DGCR2: variants seen among roughly 807,000 people sequenced by gnomAD.
The protein encoded by DGCR2 is integral membrane protein DGCR2/IDD.
A neutral mutation model predicts 51.6 loss-of-function variants in DGCR2; 24 were observed. The observed-to-expected ratio is 0.47, with a 90% CI of 0.34 to 0.65. DGCR2 has a LOEUF of 0.65. Ranked by LOEUF, DGCR2 falls within the 30% of genes least tolerant of loss-of-function variation. DGCR2 has a pLI of 0.01. For missense variants in DGCR2, 765 were observed against 772.1 expected (o/e 0.99, Z 0.11); for synonymous variants, 340 against 315.4 (o/e 1.08, Z -0.82).
chr22:19,111,013 C>T (rs989297780), intron 1 of DGCR2, among the ~76,000 whole-genome samples: 1 of 152,156 alleles, frequency 6.6e-6, no homozygotes. Flanking sequence ...CAGTTATACA[C>T]ATTTTTTTCC....
At chr22:19,104,083 C>G (rs2083236057) in intron 1 of DGCR2, among the ~76,000 whole-genome samples, 1 of 152,026 alleles carries the variant, frequency 6.6e-6, no homozygotes, top group Non-Finnish European at 1.5e-5. Flanking sequence ...GCTGTCAGAG[C>G]AATGATGTCA....
At position 19,122,316 on chromosome 22, in the gene DGCR2, G is replaced by C. The variant is rs2083444534; in HGVS notation, c.-110C>G. The C allele has an allele frequency of 1.2e-6, 1 of 857,836 alleles. No individual in the cohort carries two copies. Among genetic ancestry groups the C allele is most frequent in the Non-Finnish European group, 1.7e-6 (1 of 604,114 alleles). The allele number at this position is 857,836 out of a possible 1,614,324, so 53.1% of individuals were successfully genotyped here. On this transcript the variant is annotated 5_prime_UTR_variant, in exon 1 of 10. Coordinates refer to ENST00000263196, the MANE Select transcript of DGCR2 (RefSeq NM_005137.3). ...TCAGGCGGAGCTGAACCTGGGCGAG[G>C]CGCGGAGAGGCGGCGGGAAAGAGCT...
intron 6 of DGCR2, among the ~76,000 whole-genome samples, chr22:19,051,974 C>A (rs914957060): frequency 6.6e-6 from 1 of 152,066 alleles, no homozygotes; most frequent in Non-Finnish European, 1.5e-5. Context: ...TAAATCACTC[C>A]TACGTTGAAT....
At chr22:19,083,371 C>G (rs1412605603) in intron 2 of DGCR2, among the ~76,000 whole-genome samples, 1 of 152,186 alleles carries the variant, frequency 6.6e-6, no homozygotes, top group African/African-American at 2.4e-5. Context: ...AATCTTGATA[C>G]GGGCAAGGCA....
intron 1 of DGCR2, among the ~76,000 whole-genome samples, chr22:19,096,328 G>A (rs2083139169): frequency 6.6e-6 from 1 of 152,204 alleles, no homozygotes; most frequent in African/African-American, 2.4e-5. Context: ...GAGTGGAGTA[G>A]TGGTTACCAG....
chr22:19,071,635 G>C (rs955878189), intron 2 of DGCR2, among the ~76,000 whole-genome samples: 2 of 152,194 alleles, frequency 1.3e-5, no homozygotes, highest in African/African-American at 4.8e-5. Flanking sequence ...AATACTTCTA[G>C]ATTAAAGAAC....
chr22:19,062,779 A>ATTCATTCT lies in DGCR2; in HGVS notation c.625+422_625+423insAGAATGAA. Among the ~76,000 whole-genome samples, 58 of 127,334 alleles carry ATTCATTCT rather than the reference A, an allele frequency of 4.6e-4. 1 individual carries two copies. The highest frequency in any genetic ancestry group is 7.8e-4 in the Non-Finnish European group (43 of 55,402). The allele number at this position is 127,334 out of a possible 152,430, so 83.5% of individuals were successfully genotyped here. A position where few individuals can be genotyped will look rare whatever the true frequency, so the allele number is the denominator to read the frequency against. ...TGCGCACACACACACATGCATGCTC[A>ATTCATTCT]CTCTCTCTCTCTCTCTCTCTCTCTC... On this transcript the variant is annotated intron_variant, in intron 5 of 9. Coordinates refer to ENST00000263196, the MANE Select transcript of DGCR2 (RefSeq NM_005137.3).
chr22:19,059,056 GTCACAGTGGCAGC>G (rs1291494443), intron 5 of DGCR2, among the ~76,000 whole-genome samples: 2 of 152,254 alleles, frequency 1.3e-5, no homozygotes, highest in Non-Finnish European at 2.9e-5. Context: ...CCTGGAAGAG[GTCACAGTGGCAGC>G]CATGAACAAG....
chr22:19,106,378 C>T (rs990572701), intron 1 of DGCR2, among the ~76,000 whole-genome samples: 1 of 152,176 alleles, frequency 6.6e-6, no homozygotes, highest in Non-Finnish European at 1.5e-5. Context: ...GGAACCATGG[C>T]CAGGGGTTCT....
intron 1 of DGCR2, among the ~76,000 whole-genome samples, chr22:19,095,660 CAAA>C (rs560020507): frequency 3.1e-5 from 2 of 65,228 alleles, no homozygotes; most frequent in African/African-American, 5.9e-5. Context: ...GACTCCGTCT[CAAA>C]AAAAAAAAAA....
chr22:19,111,755 G>C (rs2083316450), intron 1 of DGCR2, among the ~76,000 whole-genome samples: 1 of 152,212 alleles, frequency 6.6e-6, no homozygotes, highest in African/African-American at 2.4e-5. Context: ...GTGATGGCTG[G>C]TGGAATGAGA....
intron 1 of DGCR2, among the ~76,000 whole-genome samples, chr22:19,097,100 A>C (rs1212461033): frequency 6.6e-6 from 1 of 151,954 alleles, no homozygotes; most frequent in South Asian, 2.1e-4. Context: ...TATCCTCCAA[A>C]AGCAAACGTC....
chr22:19,085,030 T>C (rs2082998621), intron 2 of DGCR2, among the ~76,000 whole-genome samples: 1 of 151,680 alleles, frequency 6.6e-6, no homozygotes, highest in African/African-American at 2.4e-5. Flanking sequence ...GGATGGTTGC[T>C]GTGTCTGTGC....
Position 19,036,402 on chromosome 22 carries a change from G to A in DGCR2, c.*2463C>T, listed in dbSNP as rs1405391974. On this transcript the variant is annotated 3_prime_UTR_variant, in exon 10 of 10. Transcript: ENST00000263196. Reference sequence around the variant, plus strand: ...CCCTTAATGAAAACATAAAAAAACAGGCATCAAGACAATGTACAGTATCAA... The same window carrying A: ...CCCTTAATGAAAACATAAAAAAACAAGCATCAAGACAATGTACAGTATCAA... 6.6e-6 allele frequency: 1 copy of A among 152,468 alleles called. No individual in the cohort carries two copies. Among genetic ancestry groups the A allele is most frequent in the East Asian group, 1.9e-4 (1 of 5,196 alleles). 9.4% of individuals were successfully genotyped at this position (152,468 alleles called of 1,614,324 possible).
intron 1 of DGCR2, among the ~76,000 whole-genome samples, chr22:19,116,163 G>A (rs1411070768): frequency 6.6e-6 from 1 of 152,182 alleles, no homozygotes; most frequent in African/African-American, 2.4e-5. Context: ...GCCTGCCATG[G>A]GCCAGGATGA....
rs191822311 is a variant in DGCR2 at position 19,068,109 on chromosome 22, G to A, written c.319C>T (p.Arg107Cys). Reference protein sequence around the residue: ...FHAVNVAQPVRFSSFLGKCPT... With the variant: ...FHAVNVAQPVCFSSFLGKCPT... ...CAGGTCTGCAACTTACTGCTGAAGC[G>A]AACGGGCTGCGCCACGTTCACCGCG... The change falls in exon 3 of 10, where the codon CGC becomes TGC. Residue 107 changes from arginine (R) to cysteine (C), a missense_variant. By Grantham distance (180) the Arg-to-Cys change is radical. Coordinates refer to ENST00000263196, the MANE Select transcript of DGCR2 (RefSeq NM_005137.3). 8.2e-6 allele frequency: 13 copies of A among 1,586,638 alleles called. No homozygotes were observed. Among genetic ancestry groups the A allele is most frequent in the Middle Eastern group, 1.7e-4 (1 of 5,852 alleles).
chr22:19,062,791 T>TCTCTCTCTCTCTCTCTCTCTCTCTCTC (rs2082691755), intron 5 of DGCR2, among the ~76,000 whole-genome samples: 1 of 146,910 alleles, frequency 6.8e-6, no homozygotes, highest in Non-Finnish European at 1.5e-5. Context: ...TCTCTCTCTC[T>TCTCTCTCTCTCTCTCTCTCTCTCTCTC]CTCTCTCTCT....
At chr22:19,098,056 G>A (rs1356192870) in intron 1 of DGCR2, among the ~76,000 whole-genome samples, 2 of 152,046 alleles carry the variant, frequency 1.3e-5, no homozygotes, top group Non-Finnish European at 2.9e-5. Context: ...CGGATTTTCT[G>A]TCCTTTTCTT....
rs574914094 is a variant in DGCR2 at position 19,039,588 on chromosome 22, G to A, written c.1397-467C>T. Among the ~76,000 whole-genome samples the A allele has an allele frequency of 4.1e-4, 62 of 152,340 alleles. 2 individuals carry two copies. The highest frequency in any genetic ancestry group is 2.9e-3 in the Admixed American group (44 of 15,312). On this transcript the variant is annotated intron_variant, in intron 9 of 9. Transcript: ENST00000263196. ...GGGCTGCAGCTGGAATGTGGCAACC[G>A]GAGTGTGGGCAACAGGGCTGCAGTG...
Sources: gnomAD v4.1 joint callset for allele counts (sites outside exome capture counted in the v4.1 genomes callset) on GRCh38, gnomAD v4.1.1 for gene constraint, MANE v1.5 for transcripts, NCBI Gene and HGNC (gene_info 2026-07-23, HGNC 2026-07-21) for gene names.